HDAC9: variants seen among roughly 807,000 people sequenced by gnomAD.
The protein encoded by HDAC9 is histone deacetylase 9.
HDAC9 carries 41 observed loss-of-function variants against 139.4 expected under a neutral mutation model. The ratio of observed to expected loss-of-function variants is 0.29; its 90% CI spans 0.23 to 0.38. The LOEUF is 0.38. Among genes scored for constraint, HDAC9 ranks in the 10% least tolerant of loss-of-function variants. The probability of loss-of-function intolerance (pLI) is 1.00; values close to 1 mark genes in which losing one functional copy is unlikely to be tolerated. For synonymous variants in HDAC9, 517 were observed against 476.2 expected (o/e 1.09, Z -1.12); for missense variants, 1,147 against 1,297.0 (o/e 0.88, Z 1.78).
chr7:18,736,985 T>C (rs1290287541), intron 13 of HDAC9, among the ~76,000 whole-genome samples: 2 of 152,222 alleles, frequency 1.3e-5, no homozygotes. Flanking sequence ...GTCCAGGAAT[T>C]TATCCATTTC....
intron 2 of HDAC9, among the ~76,000 whole-genome samples, chr7:18,275,266 G>T (rs1796643377): frequency 6.6e-6 from 1 of 152,160 alleles, no homozygotes; most frequent in Non-Finnish European, 1.5e-5. Flanking sequence ...GGAGAGGCCT[G>T]TTATTCCTTC....
At chr7:18,578,804 C>G (rs1175408695) in intron 2 of HDAC9, among the ~76,000 whole-genome samples, 1 of 152,180 alleles carries the variant, frequency 6.6e-6, no homozygotes, top group Admixed American at 6.5e-5. Context: ...CTTCAGCCCT[C>G]AAGACCTCTT....
At chr7:18,835,384 A>G (rs1044707896) in intron 19 of HDAC9, 83 bp from the exon 20 acceptor site, 2 of 1,381,558 alleles carry the variant, frequency 1.4e-6, no homozygotes, top group African/African-American at 1.5e-5. Context: ...TGGTAGAAAG[A>G]CAGGGAACTA....
intron 1 of HDAC9, among the ~76,000 whole-genome samples, chr7:18,435,408 T>C (rs1791096373): frequency 6.6e-6 from 1 of 151,890 alleles, no homozygotes; most frequent in Non-Finnish European, 1.5e-5. Flanking sequence ...AACTGAAAAG[T>C]ATGAAAAAGA....
At chr7:18,922,896 AT>A (rs1803885418) in intron 22 of HDAC9, among the ~76,000 whole-genome samples, 1 of 152,064 alleles carries the variant, frequency 6.6e-6, no homozygotes, top group Non-Finnish European at 1.5e-5. Flanking sequence ...AAATCGACAA[AT>A]GTCTAGAGAG....
At chr7:18,414,050 A>G (rs1477916247) in intron 1 of HDAC9, among the ~76,000 whole-genome samples, 1 of 152,208 alleles carries the variant, frequency 6.6e-6, no homozygotes, top group African/African-American at 2.4e-5. Context: ...GGAAGAAATT[A>G]TAAGTAAATG....
chr7:18,329,385 A>T (rs1800727159), intron 1 of HDAC9, among the ~76,000 whole-genome samples: 1 of 151,856 alleles, frequency 6.6e-6, no homozygotes, highest in South Asian at 2.1e-4. Context: ...TCTTTCTACA[A>T]TGTATAACAT....
intron 13 of HDAC9, among the ~76,000 whole-genome samples, chr7:18,741,675 A>G (rs369166346): frequency 1.3e-5 from 2 of 152,218 alleles, no homozygotes; most frequent in East Asian, 3.8e-4. Context: ...AATACATTCT[A>G]TAAGGCTATA....
At chr7:18,506,569 T>A (rs1367011390) in intron 2 of HDAC9, among the ~76,000 whole-genome samples, 1 of 133,688 alleles carries the variant, frequency 7.5e-6, no homozygotes, top group Non-Finnish European at 1.6e-5. Flanking sequence ...AATTTCTCAA[T>A]TTTTTTTTTT....
In HDAC9 at chr7:18,980,781, T is replaced by C. The variant is rs554554470; in HGVS notation, c.3170+4828T>C. On this transcript the variant is annotated intron_variant, in intron 25 of 25. Coordinates refer to ENST00000686413, the MANE Select transcript of HDAC9 (RefSeq NM_178425.4). ...TTCCTTCTTCTTCTTCTTCTTCCTC[T>C]TCTTCTTCTTCCTTCTTCCTTCTTC... Among the ~76,000 whole-genome samples, 18 of 148,582 alleles carry C rather than the reference T, an allele frequency of 1.2e-4. No individual in the cohort carries two copies. The South Asian group carries it at 3.0e-3, about 25-fold the overall frequency.
Position 18,878,196 on chromosome 7 carries a change from T to A in HDAC9, c.2803+3600T>A, listed in dbSNP as rs182154795. Among the ~76,000 whole-genome samples the A allele has an allele frequency of 1.8e-3, 277 of 152,016 alleles. 1 individual carries two copies. The highest frequency in any genetic ancestry group is 0.01 in the East Asian group (52 of 5,176). On this transcript the variant is annotated intron_variant, in intron 22 of 25. Coordinates refer to ENST00000686413, the MANE Select transcript of HDAC9 (RefSeq NM_178425.4). ...TTATAGTGTTGTTAACATTTTTTTT[T>A]AAAAAAAAGCTTCTTTGGTTTAAAT...
intron 1 of HDAC9, among the ~76,000 whole-genome samples, chr7:18,331,461 A>G (rs1800913799): frequency 6.6e-6 from 1 of 151,694 alleles, no homozygotes; most frequent in African/African-American, 2.4e-5. Flanking sequence ...GCTGAGGAAT[A>G]TAGCACTACC....
intron 25 of HDAC9, among the ~76,000 whole-genome samples, chr7:18,994,551 CTT>C (rs1398187811): frequency 2.6e-5 from 4 of 152,114 alleles, no homozygotes; most frequent in South Asian, 2.1e-4. Context: ...CACACAGACT[CTT>C]TTAGAATTTT....
At chr7:18,762,009 A>G (rs1789433779) in intron 14 of HDAC9, 148 bp from the exon 15 acceptor site, 3 of 835,480 alleles carry the variant, frequency 3.6e-6, no homozygotes, top group Middle Eastern at 2.4e-4. Context: ...TTCAAATATT[A>G]TTATGGTACT....
At chr7:18,581,922 A>G (rs371837117) in intron 2 of HDAC9, among the ~76,000 whole-genome samples, 6 of 152,298 alleles carry the variant, frequency 3.9e-5, no homozygotes, top group African/African-American at 1.4e-4. Context: ...TTCATTTATA[A>G]ATTATTTTCC....
chr7:18,569,872 G>GA (rs528468143), intron 2 of HDAC9, among the ~76,000 whole-genome samples: 4 of 151,390 alleles, frequency 2.6e-5, no homozygotes, highest in South Asian at 2.1e-4. Context: ...AAAACTGAAG[G>GA]AAAAAAAATA....
In HDAC9 at chr7:18,702,869, G is replaced by T. The variant is rs1316734280; in HGVS notation, c.1732-24711G>T. 3.3e-5 allele frequency among the ~76,000 whole-genome samples: 5 copies of T among 152,126 alleles called. No individual in the cohort carries two copies. In the East Asian group the frequency reaches 5.8e-4, roughly 18 times the overall value. On this transcript the variant is annotated intron_variant, in intron 12 of 25. Transcript: ENST00000686413. ...TTGAACTTTAAACATCCTTTGTAAG[G>T]TATGCATTTTCTGCCTCAAGAGTAA... is the stretch of plus-strand genomic sequence containing the variant.
chr7:18,726,737 A>G (rs1437889151), intron 12 of HDAC9, among the ~76,000 whole-genome samples: 1 of 150,832 alleles, frequency 6.6e-6, no homozygotes, highest in Non-Finnish European at 1.5e-5. Flanking sequence ...ATTTTGAAAG[A>G]ATATATATTT....
chr7:18,497,810 T>G (rs1172557392), intron 2 of HDAC9, among the ~76,000 whole-genome samples: 1 of 152,156 alleles, frequency 6.6e-6, no homozygotes, highest in African/African-American at 2.4e-5. Flanking sequence ...TGTTACAAGT[T>G]TGATATTTTT....
Sources: gnomAD v4.1 joint callset for allele counts (sites outside exome capture counted in the v4.1 genomes callset) on GRCh38, gnomAD v4.1.1 for gene constraint, MANE v1.5 for transcripts, NCBI Gene and HGNC (gene_info 2026-07-23, HGNC 2026-07-21) for gene names.